IMPA1: variants seen among roughly 807,000 people sequenced by gnomAD.
IMPA1 encodes inositol monophosphatase 1.
In IMPA1, 21 loss-of-function variants were observed where a neutral mutation model predicts 34.9. The observed-to-expected ratio is 0.60, with a 90% CI of 0.43 to 0.87. The LOEUF (loss-of-function observed/expected upper bound fraction) is 0.87, where lower values mean the gene tolerates loss of function less well. IMPA1 is among the 40% of genes least tolerant of loss of function. The probability of loss-of-function intolerance (pLI) is 0.00; values close to 1 mark genes in which losing one functional copy is unlikely to be tolerated. For missense variants in IMPA1, 299 were observed against 336.4 expected, an observed-to-expected ratio of 0.89 and a Z score of 0.87; for synonymous variants, 95 against 104.4, an observed-to-expected ratio of 0.91 and a Z score of 0.55.
chr8:81,684,460 T>C (rs1419053131), intron 1 of IMPA1, among the ~76,000 whole-genome samples: 1 of 134,070 alleles, frequency 7.5e-6, no homozygotes, highest in Non-Finnish European at 1.6e-5. Flanking sequence ...ATATATAGTA[T>C]ACTACACACA....
At chr8:81,666,671 C>G (rs1030726827) in intron 7 of IMPA1, among the ~76,000 whole-genome samples, 1 of 151,952 alleles carries the variant, frequency 6.6e-6, no homozygotes, top group African/African-American at 2.4e-5. Context: ...GTCAGGAGTT[C>G]CAGACCAGCC....
chr8:81,662,778 CTTTT>C (rs137947800), intron 7 of IMPA1, among the ~76,000 whole-genome samples: 1 of 152,046 alleles, frequency 6.6e-6, no homozygotes, highest in Non-Finnish European at 1.5e-5. Flanking sequence ...ATAAAAATAG[CTTTT>C]TTTATGATAA....
chr8:81,663,278 T>C (rs988552396), intron 7 of IMPA1, among the ~76,000 whole-genome samples: 3 of 152,272 alleles, frequency 2.0e-5, no homozygotes, highest in Non-Finnish European at 4.4e-5. Flanking sequence ...AGCAAGTTTA[T>C]TGCCCTTCTC....
At chr8:81,667,394 C>A (rs2130264141) in intron 7 of IMPA1, among the ~76,000 whole-genome samples, 1 of 152,234 alleles carries the variant, frequency 6.6e-6, no homozygotes, top group African/African-American at 2.4e-5. Context: ...GAAACTTAAT[C>A]CCCAATGTGG....
intron 6 of IMPA1, among the ~76,000 whole-genome samples, chr8:81,671,854 G>A (rs1053893574): frequency 3.3e-5 from 5 of 152,092 alleles, no homozygotes; most frequent in African/African-American, 4.8e-5. Context: ...CCGAGATCAC[G>A]CCACTGCACT....
chr8:81,660,728 T>C lies in IMPA1; in HGVS notation c.567-61A>G. 3 of 1,367,752 alleles carry C rather than the reference T, an allele frequency of 2.2e-6. 1 individual carries two copies. 84.7% of individuals were successfully genotyped at this position (1,367,752 alleles called of 1,614,324 possible). On this transcript the variant is annotated intron_variant, in intron 7 of 8. Coordinates refer to ENST00000256108, the MANE Select transcript of IMPA1 (RefSeq NM_005536.4). ...ATAATCCTTTCAAGTAAGATATTCC[T>C]CCTTAACTTCACTTTAAGTGTCGAT...
intron 3 of IMPA1, among the ~76,000 whole-genome samples, chr8:81,680,298 T>TA (rs1418012719): frequency 1.3e-5 from 2 of 152,352 alleles, no homozygotes; most frequent in African/African-American, 4.8e-5. Flanking sequence ...AATGCCCCTC[T>TA]AATTTGCATC....
At chr8:81,677,401 G>GT (rs954652750) in intron 4 of IMPA1, among the ~76,000 whole-genome samples, 4 of 152,160 alleles carry the variant, frequency 2.6e-5, no homozygotes, top group Non-Finnish European at 5.9e-5. Flanking sequence ...GGCCTGTGAT[G>GT]TTTTTTTCCT....
intron 1 of IMPA1, 98 bp downstream of exon 1, chr8:81,686,154 G>A: frequency 1.1e-6 from 1 of 898,870 alleles, no homozygotes; most frequent in Non-Finnish European, 1.4e-6. Flanking sequence ...GACCGCGCAC[G>A]GCGCTCGCGC....
At chr8:81,685,202 TAG>T (rs1185353760) in intron 1 of IMPA1, among the ~76,000 whole-genome samples, 1 of 135,114 alleles carries the variant, frequency 7.4e-6, no homozygotes, top group Non-Finnish European at 1.5e-5. Flanking sequence ...TAAGTATATT[TAG>T]ATACTATATA....
At chr8:81,669,978 A>G (rs1298402775) in intron 7 of IMPA1, among the ~76,000 whole-genome samples, 1 of 152,202 alleles carries the variant, frequency 6.6e-6, no homozygotes, top group African/African-American at 2.4e-5. Context: ...CAGCCCCACC[A>G]TGTCACATTC....
chr8:81,660,902 AAAC>A (rs1806654280), intron 7 of IMPA1, among the ~76,000 whole-genome samples: 1 of 152,218 alleles, frequency 6.6e-6, no homozygotes, highest in African/African-American at 2.4e-5. Context: ...ATAAACATTA[AAAC>A]AATAATTTTT....
At chr8:81,661,674 A>C (rs768481244) in intron 7 of IMPA1, among the ~76,000 whole-genome samples, 1 of 152,250 alleles carries the variant, frequency 6.6e-6, no homozygotes, top group Non-Finnish European at 1.5e-5. Flanking sequence ...TCTAGACTGG[A>C]TGTTGGATTA....
chr8:81,682,897 G>A (rs1038295545), intron 1 of IMPA1, among the ~76,000 whole-genome samples: 2 of 152,148 alleles, frequency 1.3e-5, no homozygotes, highest in African/African-American at 4.8e-5. Flanking sequence ...GCACCATGGG[G>A]AGGAAAATCA....
At chr8:81,684,959 C>T (rs1025361308) in intron 1 of IMPA1, among the ~76,000 whole-genome samples, 8 of 122,678 alleles carry the variant, frequency 6.5e-5, no homozygotes, top group African/African-American at 2.5e-4. Context: ...TATTTAGATA[C>T]TATGTATAGT....
chr8:81,681,043 C>T lies in IMPA1; in HGVS notation c.64-260G>A, dbSNP rs116494007. ...TTTTATCATATAAAATTAGGGTATACACGCAAGAGTATTTAGTAAAATGAA... is the reference window on the plus strand; with the variant it reads ...TTTTATCATATAAAATTAGGGTATATACGCAAGAGTATTTAGTAAAATGAA... On this transcript the variant is annotated intron_variant, in intron 2 of 8. Transcript: ENST00000256108. 3.1e-3 allele frequency among the ~76,000 whole-genome samples: 476 copies of T among 152,174 alleles called. 5 individuals carry two copies. Among genetic ancestry groups the T allele is most frequent in the African/African-American group, 0.011 (454 of 41,520 alleles).
At chr8:81,684,559 TA>T (rs146638728) in intron 1 of IMPA1, among the ~76,000 whole-genome samples, 14,364 of 71,124 alleles carry the variant, frequency 0.2, 2,926 homozygotes, top group African/African-American at 0.34. Context: ...CTTTAGATAC[TA>T]ATGTGTAGTA....
intron 5 of IMPA1, chr8:81,674,899 A>T: frequency 2.3e-6 from 1 of 438,158 alleles, no homozygotes; most frequent in Non-Finnish European, 4.5e-6. Context: ...TTCCCCATAA[A>T]TCTCCTTCAA....
At chr8:81,685,716 TA>T (rs1229952615) in intron 1 of IMPA1, 1 of 1,088,662 alleles carries the variant, frequency 9.2e-7, no homozygotes, top group Non-Finnish European at 1.2e-6. Flanking sequence ...TATATATATA[TA>T]AATCACAGTA....
Sources: allele counts gnomAD v4.1 joint callset (sites outside exome capture counted in the v4.1 genomes callset), GRCh38; gene constraint gnomAD v4.1.1; transcripts MANE v1.5; gene names NCBI Gene and HGNC (gene_info 2026-07-23, HGNC 2026-07-21).